The following FHIT variants were observed in gnomAD, a reference collection of about 807,000 sequenced individuals.
FHIT encodes bis(5'-adenosyl)-triphosphatase.
A neutral mutation model predicts 17.9 loss-of-function variants in FHIT; 19 were observed. The observed-to-expected ratio is 1.06, with a 90% CI of 0.74 to 1.56. The LOEUF (loss-of-function observed/expected upper bound fraction) is 1.56. Ranked by LOEUF, FHIT falls within the 40% of genes most tolerant of loss-of-function variation. The pLI is 0.00. For missense variants in FHIT, 248 were observed against 189.2 expected (o/e 1.31, Z -1.82); for synonymous variants, 81 against 69.7 (o/e 1.16, Z -0.81).
At chr3:60,627,296 T>C (rs1277025471) in intron 4 of FHIT, among the ~76,000 whole-genome samples, 1 of 152,178 alleles carries the variant, frequency 6.6e-6, no homozygotes, top group Non-Finnish European at 1.5e-5. Flanking sequence ...ACTTGGACTT[T>C]TATTTGTGGG....
At chr3:60,912,799 T>G in intron 3 of FHIT, 1 of 513,644 alleles carries the variant, frequency 1.9e-6, no homozygotes. Context: ...GTCTTACCAT[T>G]TCTCTAAAAA....
chr3:59,845,068 G>A (rs1016804181), intron 8 of FHIT, among the ~76,000 whole-genome samples: 6 of 151,972 alleles, frequency 3.9e-5, no homozygotes, highest in Non-Finnish European at 8.8e-5. Context: ...CCAATGTGCT[G>A]GCATGCAATT....
At chr3:60,113,247 T>C (rs893332017) in intron 5 of FHIT, among the ~76,000 whole-genome samples, 11 of 152,224 alleles carry the variant, frequency 7.2e-5, no homozygotes, top group African/African-American at 2.4e-4. Context: ...TTCACGTCTG[T>C]ATCCCCAACA....
intron 1 of FHIT, among the ~76,000 whole-genome samples, chr3:61,247,938 G>C (rs2040525561): frequency 6.6e-6 from 1 of 152,134 alleles, no homozygotes; most frequent in African/African-American, 2.4e-5. Context: ...CTGTCTAAAA[G>C]GCACAGCTGG....
chr3:60,980,237 A>C (rs574547072), intron 3 of FHIT, among the ~76,000 whole-genome samples: 1 of 152,362 alleles, frequency 6.6e-6, no homozygotes, highest in East Asian at 1.9e-4. Flanking sequence ...ATAAAGCATA[A>C]GAAGGATAAA....
chr3:59,832,332 T>C (rs1701192279), intron 8 of FHIT, among the ~76,000 whole-genome samples: 1 of 152,182 alleles, frequency 6.6e-6, no homozygotes, highest in African/African-American at 2.4e-5. Flanking sequence ...CGTCTTTAAC[T>C]TAACTCCAAC....
intron 8 of FHIT, among the ~76,000 whole-genome samples, chr3:59,797,858 A>C (rs1699841653): frequency 6.6e-6 from 1 of 152,212 alleles, no homozygotes; most frequent in Non-Finnish European, 1.5e-5. Context: ...CATTTTTATT[A>C]ACAGAACTAA....
At chr3:60,300,160 T>C (rs186518553) in intron 5 of FHIT, among the ~76,000 whole-genome samples, 1 of 152,222 alleles carries the variant, frequency 6.6e-6, no homozygotes, top group East Asian at 1.9e-4. Context: ...TAGTTTTGTC[T>C]TATATACAAT....
At chr3:59,986,273 C>G (rs1381684720) in intron 7 of FHIT, among the ~76,000 whole-genome samples, 2 of 151,560 alleles carry the variant, frequency 1.3e-5, no homozygotes, top group African/African-American at 2.4e-5. Flanking sequence ...TAGGAGTAAA[C>G]TGTCCAAATA....
intron 5 of FHIT, among the ~76,000 whole-genome samples, chr3:60,084,508 G>T (rs1052131855): frequency 1.3e-5 from 2 of 152,098 alleles, no homozygotes; most frequent in African/African-American, 4.8e-5. Flanking sequence ...AATTATATAA[G>T]CTAAAATTGT....
chr3:60,433,932 A>G (rs548072124), intron 5 of FHIT, among the ~76,000 whole-genome samples: 32 of 152,020 alleles, frequency 2.1e-4, no homozygotes, highest in Admixed American at 1.3e-3. Flanking sequence ...GGTAGTTTCA[A>G]TTGTCTATTT....
chr3:59,861,212 C>A (rs1370593464), intron 8 of FHIT, among the ~76,000 whole-genome samples: 1 of 152,070 alleles, frequency 6.6e-6, no homozygotes, highest in Non-Finnish European at 1.5e-5. Context: ...CACAAGATGA[C>A]CCATTCCATG....
chr3:60,875,006 G>T (rs369216287), intron 3 of FHIT, among the ~76,000 whole-genome samples: 5 of 152,094 alleles, frequency 3.3e-5, no homozygotes, highest in African/African-American at 4.8e-5. Flanking sequence ...ATAATATAGA[G>T]AATATTTTTA....
intron 8 of FHIT, among the ~76,000 whole-genome samples, chr3:59,761,452 A>G (rs375341730): frequency 1.5e-4 from 23 of 152,288 alleles, no homozygotes; most frequent in African/African-American, 5.3e-4. Context: ...TCTTCTACAC[A>G]TACACAAACC....
At chr3:60,172,094 C>G (rs1398755910) in intron 5 of FHIT, among the ~76,000 whole-genome samples, 1 of 152,158 alleles carries the variant, frequency 6.6e-6, no homozygotes, top group Non-Finnish European at 1.5e-5. Context: ...ATTATTCAAA[C>G]AAGCACATAA....
chr3:59,983,269 G>C (rs1428892369), intron 7 of FHIT, among the ~76,000 whole-genome samples: 1 of 152,002 alleles, frequency 6.6e-6, no homozygotes. Flanking sequence ...AAAAAGAAGG[G>C]GTATATTTAT....
At chr3:60,447,885 C>A (rs956533493) in intron 5 of FHIT, among the ~76,000 whole-genome samples, 1 of 152,110 alleles carries the variant, frequency 6.6e-6, no homozygotes, top group East Asian at 1.9e-4. Flanking sequence ...CCAAATTATT[C>A]GATTACCATG....
intron 4 of FHIT, among the ~76,000 whole-genome samples, chr3:60,776,343 C>T (rs1553724454): frequency 6.6e-6 from 1 of 152,102 alleles, no homozygotes; most frequent in Non-Finnish European, 1.5e-5. Flanking sequence ...TTAATACAGC[C>T]TAAAGAAAGA....
At chr3:59,771,317 A>T (rs1702062803) in intron 8 of FHIT, among the ~76,000 whole-genome samples, 1 of 152,190 alleles carries the variant, frequency 6.6e-6, no homozygotes, top group Non-Finnish European at 1.5e-5. Flanking sequence ...AGGAAATGAG[A>T]ATCATTCTGG....
Sources: allele counts gnomAD v4.1 joint callset (sites outside exome capture counted in the v4.1 genomes callset), GRCh38; gene constraint gnomAD v4.1.1; transcripts MANE v1.5; gene names NCBI Gene and HGNC (gene_info 2026-07-23, HGNC 2026-07-21).